Variants in ZNF431 observed in about 807,000 individuals in gnomAD.
ZNF431 encodes zinc finger protein 431.
A neutral mutation model predicts 57.0 loss-of-function variants in ZNF431; 34 were observed. That is an observed-to-expected ratio of 0.60 (90% CI 0.45 to 0.79). The LOEUF (loss-of-function observed/expected upper bound fraction) is 0.79, where lower values mean the gene tolerates loss of function less well. Among genes scored for constraint, ZNF431 ranks in the 30% least tolerant of loss-of-function variants. The probability of loss-of-function intolerance (pLI) is 0.00; values close to 1 mark genes in which losing one functional copy is unlikely to be tolerated. For missense variants in ZNF431, 607 were observed against 667.1 expected, an observed-to-expected ratio of 0.91 and a Z score of 0.99; for synonymous variants, 207 against 220.3, an observed-to-expected ratio of 0.94 and a Z score of 0.54.
chr19:21,167,710 C>G, intron 4 of ZNF431, 44 bp downstream of exon 4: 1 of 1,380,852 alleles, frequency 7.2e-7, no homozygotes. Flanking sequence ...ATGAGAGGTC[C>G]AAAGCTTAAA....
In ZNF431 at chr19:21,195,998, G is replaced by C. The variant is rs1184745060; in HGVS notation, c.*11964G>C. ...TTCGATTTATATTTTGTGTTATCTG[G>C]TTATAAATTTTATATAGCATTCAAT... On this transcript the variant is annotated 3_prime_UTR_variant, in exon 5 of 5. Transcript: ENST00000311048. 1 of 151,672 alleles carries C rather than the reference G, an allele frequency of 6.6e-6. No homozygotes were observed. The highest frequency in any genetic ancestry group is 1.9e-4 in the East Asian group (1 of 5,170). The allele number at this position is 151,672 out of a possible 1,614,324, so 9.4% of individuals were successfully genotyped here.
intron 4 of ZNF431, among the ~76,000 whole-genome samples, chr19:21,172,447 GAAAA>G (rs1184940935): frequency 2.0e-5 from 3 of 149,212 alleles, no homozygotes; most frequent in Admixed American, 6.7e-5. Context: ...AAAAAAGAAA[GAAAA>G]AGAAACAATA....
rs935751463 is a variant in ZNF431, at chr19:21,187,783, G to T, written c.*3749G>T. 6.6e-6 allele frequency: 1 copy of T among 152,128 alleles called. No individual in the cohort carries two copies. 9.4% of individuals were successfully genotyped at this position (152,128 alleles called of 1,614,324 possible). A position where few individuals can be genotyped will look rare whatever the true frequency, so the allele number is the denominator to read the frequency against. On this transcript the variant is annotated 3_prime_UTR_variant, in exon 5 of 5. Transcript: ENST00000311048. ...TTATTTTCTACTTCTCTTCAGATTT[G>T]TCTTATGCATTTTCCAACTATGTAT...
rs1971528204 is a variant in ZNF431, at chr19:21,192,432, C to G, written c.*8398C>G. On this transcript the variant is annotated 3_prime_UTR_variant, in exon 5 of 5. Coordinates refer to ENST00000311048, the MANE Select transcript of ZNF431 (RefSeq NM_133473.4). ...CCGCCCACCTCGGCCTCCCAAAGTG[C>G]TGGAATTACAGGCAGGAGTCACTGC... 1 of 152,206 alleles carries G rather than the reference C, an allele frequency of 6.6e-6. No individual in the cohort carries two copies. The highest frequency in any genetic ancestry group is 2.1e-4 in the South Asian group (1 of 4,824). 9.4% of individuals were successfully genotyped at this position (152,206 alleles called of 1,614,324 possible).
chr19:21,142,306 C>T, intron 1 of ZNF431, 120 bp downstream of exon 1: 1 of 1,414,120 alleles, frequency 7.1e-7, no homozygotes, highest in Admixed American at 1.7e-5. Context: ...GCCCCGAGTT[C>T]TCCTTGCCCA....
intron 2 of ZNF431, among the ~76,000 whole-genome samples, chr19:21,158,356 C>G (rs1183368684): frequency 6.6e-6 from 1 of 152,120 alleles, no homozygotes; most frequent in African/African-American, 2.4e-5. Flanking sequence ...TGCCACCATG[C>G]CTGGCTAATT....
intron 2 of ZNF431, among the ~76,000 whole-genome samples, chr19:21,150,641 A>G (rs186077805): frequency 6.6e-6 from 1 of 152,292 alleles, no homozygotes. Flanking sequence ...AGTTAATCCC[A>G]AGGGAAGTCT....
chr19:21,162,498 G>T (rs368661469), intron 2 of ZNF431, among the ~76,000 whole-genome samples: 4 of 151,982 alleles, frequency 2.6e-5, no homozygotes, highest in South Asian at 4.2e-4. Context: ...TGGAGACAGG[G>T]TTTCACCATT....
chr19:21,142,600 A>T (rs1477257632), intron 1 of ZNF431, among the ~76,000 whole-genome samples: 1 of 152,242 alleles, frequency 6.6e-6, no homozygotes, highest in African/African-American at 2.4e-5. Flanking sequence ...GGGAGTCACT[A>T]TAAAAACATT....
intron 2 of ZNF431, among the ~76,000 whole-genome samples, chr19:21,146,478 A>T (rs1376806195): frequency 6.6e-6 from 1 of 152,038 alleles, no homozygotes; most frequent in Non-Finnish European, 1.5e-5. Flanking sequence ...CCATAGGCAG[A>T]GCAGCCCAAG....
chr19:21,168,916 T>C (rs1271925217), intron 4 of ZNF431, among the ~76,000 whole-genome samples: 1 of 152,088 alleles, frequency 6.6e-6, no homozygotes, highest in East Asian at 1.9e-4. Context: ...AAATTTTTCT[T>C]TTTTTTCTTT....
At chr19:21,171,669 T>G (rs1970893560) in intron 4 of ZNF431, among the ~76,000 whole-genome samples, 1 of 149,060 alleles carries the variant, frequency 6.7e-6, no homozygotes, top group Non-Finnish European at 1.5e-5. Flanking sequence ...TTTCATTATG[T>G]CTTATTTTCA....
At position 21,184,825 on chromosome 19, in the gene ZNF431, A is replaced by G. The variant is rs1159501812; in HGVS notation, c.*791A>G. The G allele has an allele frequency of 6.6e-6, 1 of 152,434 alleles. No homozygotes were observed. The highest frequency in any genetic ancestry group is 1.5e-5 in the Non-Finnish European group (1 of 68,030). The allele number at this position is 152,434 out of a possible 1,614,324, so 9.4% of individuals were successfully genotyped here. ...ACTGTCAAAAGATCTTTCAGAAAAT[A>G]TAAGCTTTTTTAGTGAAGAGTATTT... On this transcript the variant is annotated 3_prime_UTR_variant, in exon 5 of 5. Transcript: ENST00000311048.
chr19:21,144,689 C>G (rs1397904593), intron 2 of ZNF431, among the ~76,000 whole-genome samples: 1 of 151,956 alleles, frequency 6.6e-6, no homozygotes. Flanking sequence ...CAAGGCTTAG[C>G]TTTTAGAATG....
At chr19:21,148,712 G>A (rs1970180628) in intron 2 of ZNF431, among the ~76,000 whole-genome samples, 3 of 152,128 alleles carry the variant, frequency 2.0e-5, no homozygotes, top group Admixed American at 1.3e-4. Context: ...GTCAAAATTA[G>A]ATGTTACAAT....
intron 4 of ZNF431, among the ~76,000 whole-genome samples, chr19:21,173,195 AC>A (rs1970956510): frequency 6.6e-6 from 1 of 152,210 alleles, no homozygotes; most frequent in African/African-American, 2.4e-5. Flanking sequence ...ATTAAGAGAC[AC>A]CTGGGTTGCT....
chr19:21,184,257 G>A lies in ZNF431; in HGVS notation c.*223G>A. The stretch of plus-strand genomic sequence containing the variant: ...CCCATCTACTCGGGAGGCTTAGGCA[G>A]GATAATCACTTGAACCTGGGAGGTG... On this transcript the variant is annotated 3_prime_UTR_variant, in exon 5 of 5. Coordinates refer to ENST00000311048, the MANE Select transcript of ZNF431 (RefSeq NM_133473.4). 1 of 385,344 alleles carries A rather than the reference G, an allele frequency of 2.6e-6. No individual in the cohort carries two copies. The highest frequency in any genetic ancestry group is 4.6e-6 in the Non-Finnish European group (1 of 217,252). 23.9% of individuals were successfully genotyped at this position (385,344 alleles called of 1,614,324 possible).
chr19:21,194,820 A>G lies in ZNF431; in HGVS notation c.*10786A>G, dbSNP rs1005555606. 6.6e-6 allele frequency: 1 copy of G among 152,232 alleles called. No individual in the cohort carries two copies. The highest frequency in any genetic ancestry group is 1.5e-5 in the Non-Finnish European group (1 of 68,046). 9.4% of individuals were successfully genotyped at this position (152,232 alleles called of 1,614,324 possible). On this transcript the variant is annotated 3_prime_UTR_variant, in exon 5 of 5. Coordinates refer to ENST00000311048, the MANE Select transcript of ZNF431 (RefSeq NM_133473.4). ...TTTTGCTAGGATTTTAATTTACAAAAGAAAGGTGAATGCCATTAAAAGGTG... is the reference window on the plus strand; with the variant it reads ...TTTTGCTAGGATTTTAATTTACAAAGGAAAGGTGAATGCCATTAAAAGGTG...
At position 21,184,147 on chromosome 19, in the gene ZNF431, C is replaced by G. The variant is rs536880512; in HGVS notation, c.*113C>G. 2 of 889,138 alleles carry G rather than the reference C, an allele frequency of 2.2e-6. No homozygotes were observed. The highest frequency in any genetic ancestry group is 1.7e-5 in the African/African-American group (1 of 59,064). 55.1% of individuals were successfully genotyped at this position (889,138 alleles called of 1,614,324 possible). A position where few individuals can be genotyped will look rare whatever the true frequency, so the allele number is the denominator to read the frequency against. On this transcript the variant is annotated 3_prime_UTR_variant, in exon 5 of 5. Transcript: ENST00000311048. ...TGGGTGGATCACAAGGTCAAGAGAT[C>G]GAGACCATCCTGGCCAACATGGTGA...
Sources: allele counts gnomAD v4.1 joint callset (sites outside exome capture counted in the v4.1 genomes callset), GRCh38; gene constraint gnomAD v4.1.1; transcripts MANE v1.5; gene names NCBI Gene and HGNC (gene_info 2026-07-23, HGNC 2026-07-21).